SLC25A21: variants seen among roughly 807,000 people sequenced by gnomAD.
SLC25A21 encodes mitochondrial 2-oxodicarboxylate carrier.
SLC25A21 carries 47 observed loss-of-function variants against 43.8 expected under a neutral mutation model. The ratio of observed to expected loss-of-function variants is 1.07; its 90% CI spans 0.85 to 1.37. SLC25A21 has a LOEUF of 1.37. Ranked by LOEUF, SLC25A21 falls within the 40% of genes most tolerant of loss-of-function variation. The probability of loss-of-function intolerance (pLI) is 0.00; values close to 1 mark genes in which losing one functional copy is unlikely to be tolerated. For synonymous variants in SLC25A21, 131 were observed against 121.3 expected (o/e 1.08, Z -0.52); for missense variants, 352 against 350.2 (o/e 1.00, Z -0.04).
chr14:36,717,891 G>A (rs1884211517), intron 6 of SLC25A21, among the ~76,000 whole-genome samples: 8 of 152,174 alleles, frequency 5.3e-5, no homozygotes, highest in Admixed American at 5.2e-4. Flanking sequence ...TATCAACTGA[G>A]TGTGAGCGTC....
chr14:37,111,080 T>C (rs1222169796), intron 1 of SLC25A21, among the ~76,000 whole-genome samples: 2 of 152,186 alleles, frequency 1.3e-5, no homozygotes, highest in Non-Finnish European at 2.9e-5. Flanking sequence ...AATTATGCCT[T>C]CTCTCAATGC....
intron 1 of SLC25A21, among the ~76,000 whole-genome samples, chr14:37,122,596 T>C (rs1416301410): frequency 6.6e-6 from 1 of 151,970 alleles, no homozygotes; most frequent in African/African-American, 2.4e-5. Context: ...TAGCTTCACG[T>C]GGAAGCTTTG....
At chr14:36,734,841 G>A (rs1884970650) in intron 3 of SLC25A21, among the ~76,000 whole-genome samples, 1 of 152,164 alleles carries the variant, frequency 6.6e-6, no homozygotes, top group Non-Finnish European at 1.5e-5. Flanking sequence ...GAATCTGACT[G>A]TCCTTACTCT....
At chr14:37,058,643 C>G (rs766613323) in intron 1 of SLC25A21, among the ~76,000 whole-genome samples, 29 of 152,298 alleles carry the variant, frequency 1.9e-4, no homozygotes, top group Non-Finnish European at 3.8e-4. Context: ...TTAGTCTAAA[C>G]AGAAGGTTCT....
intron 1 of SLC25A21, among the ~76,000 whole-genome samples, chr14:37,038,146 G>A (rs1961369435): frequency 6.6e-6 from 1 of 152,114 alleles, no homozygotes; most frequent in African/African-American, 2.4e-5. Context: ...GTCTGAAATT[G>A]CTTTCCTGGC....
intron 1 of SLC25A21, among the ~76,000 whole-genome samples, chr14:36,945,504 T>C (rs1892659088): frequency 6.6e-6 from 1 of 152,000 alleles, no homozygotes; most frequent in Admixed American, 6.6e-5. Flanking sequence ...ATAAAGTATA[T>C]CCATACAAAT....
intron 7 of SLC25A21, among the ~76,000 whole-genome samples, chr14:36,690,032 C>T (rs1338853627): frequency 1.3e-5 from 2 of 152,200 alleles, no homozygotes; most frequent in African/African-American, 4.8e-5. Flanking sequence ...CTCTGTTCAA[C>T]CTATCCTATC....
intron 6 of SLC25A21, among the ~76,000 whole-genome samples, chr14:36,719,709 A>G (rs1296403989): frequency 1.3e-5 from 2 of 152,224 alleles, no homozygotes; most frequent in Non-Finnish European, 2.9e-5. Context: ...AAAATATTTT[A>G]TACATAAGTT....
intron 3 of SLC25A21, among the ~76,000 whole-genome samples, chr14:36,743,435 G>GAA (rs58206307): frequency 1.4e-5 from 2 of 146,842 alleles, no homozygotes; most frequent in African/African-American, 4.9e-5. Flanking sequence ...AGGACTCCAA[G>GAA]AAAAAAAAAC....
intron 3 of SLC25A21, among the ~76,000 whole-genome samples, chr14:36,750,280 T>C (rs897135035): frequency 1.3e-5 from 2 of 152,166 alleles, no homozygotes; most frequent in Admixed American, 6.5e-5. Flanking sequence ...AGTGAACAAA[T>C]GTAGACTTCA....
At chr14:37,151,037 CTT>C (rs1196357918) in intron 1 of SLC25A21, among the ~76,000 whole-genome samples, 1 of 152,030 alleles carries the variant, frequency 6.6e-6, no homozygotes, top group Non-Finnish European at 1.5e-5. Flanking sequence ...CTCTCTCTCT[CTT>C]TCTCTTCATT....
intron 2 of SLC25A21, among the ~76,000 whole-genome samples, chr14:36,843,309 A>C (rs549115278): frequency 3.5e-4 from 54 of 152,186 alleles, no homozygotes; most frequent in Non-Finnish European, 7.5e-4. Context: ...TGGCTAATAT[A>C]ATACAGAAAT....
chr14:36,977,147 A>G (rs1959893328), intron 1 of SLC25A21, among the ~76,000 whole-genome samples: 2 of 152,268 alleles, frequency 1.3e-5, no homozygotes, highest in East Asian at 3.9e-4. Flanking sequence ...ACTTGATCCA[A>G]TTATTTATTC....
intron 1 of SLC25A21, among the ~76,000 whole-genome samples, chr14:36,953,871 G>T (rs965491748): frequency 6.6e-6 from 1 of 152,154 alleles, no homozygotes. Flanking sequence ...ACATGCTTAA[G>T]TGTATATTAT....
chr14:36,966,924 T>C (rs1018049655), intron 1 of SLC25A21, among the ~76,000 whole-genome samples: 2 of 152,168 alleles, frequency 1.3e-5, no homozygotes, highest in African/African-American at 4.8e-5. Flanking sequence ...AAAGGAAACT[T>C]CCATGTGAAC....
At chr14:37,126,057 G>A (rs1297915826) in intron 1 of SLC25A21, among the ~76,000 whole-genome samples, 1 of 152,104 alleles carries the variant, frequency 6.6e-6, no homozygotes, top group African/African-American at 2.4e-5. Flanking sequence ...ACACAATTCA[G>A]GTTAAAAATA....
chr14:36,844,933 G>A (rs976953963), intron 2 of SLC25A21, among the ~76,000 whole-genome samples: 5 of 152,158 alleles, frequency 3.3e-5, no homozygotes, highest in East Asian at 1.9e-4. Flanking sequence ...AGCCAGAGGC[G>A]TACATGAAAT....
intron 1 of SLC25A21, among the ~76,000 whole-genome samples, chr14:36,986,573 T>C (rs1960152437): frequency 6.6e-6 from 1 of 152,152 alleles, no homozygotes; most frequent in Admixed American, 6.6e-5. Flanking sequence ...TGTGAGACCA[T>C]GTTAGCTCCT....
chr14:37,017,108 C>T (rs146737568), intron 1 of SLC25A21, among the ~76,000 whole-genome samples: 146 of 152,130 alleles, frequency 9.6e-4, no homozygotes, highest in African/African-American at 3.4e-3. Context: ...AATAACTTTT[C>T]CTTTGCACTC....
Sources: allele counts gnomAD v4.1 joint callset (sites outside exome capture counted in the v4.1 genomes callset), GRCh38; gene constraint gnomAD v4.1.1; transcripts MANE v1.5; gene names NCBI Gene and HGNC (gene_info 2026-07-23, HGNC 2026-07-21).